SSUH2: variants seen among roughly 807,000 people sequenced by gnomAD.
The protein encoded by SSUH2 is ssu-2 homolog.
In SSUH2, 47 loss-of-function variants were observed where a neutral mutation model predicts 55.3. That is an observed-to-expected ratio of 0.85 (90% confidence interval 0.67 to 1.08). The LOEUF (loss-of-function observed/expected upper bound fraction) is 1.08, where lower values mean the gene tolerates loss of function less well. Among genes scored for constraint, SSUH2 ranks in the 50% least tolerant of loss-of-function variants. The pLI is 0.00. For synonymous variants in SSUH2, 212 were observed against 191.5 expected (o/e 1.11, Z -0.89); for missense variants, 535 against 490.7 (o/e 1.09, Z -0.85).
At chr3:8,654,951 A>C (rs1398071500) in intron 7 of SSUH2, among the ~76,000 whole-genome samples, 3 of 57,984 alleles carry the variant, frequency 5.2e-5, no homozygotes, top group African/African-American at 1.5e-4. Flanking sequence ...GGGTGGCCTC[A>C]TCCCCCAGTC....
At chr3:8,656,512 G>T (rs994691641) in intron 7 of SSUH2, among the ~76,000 whole-genome samples, 2 of 152,316 alleles carry the variant, frequency 1.3e-5, no homozygotes, top group East Asian at 1.9e-4. Context: ...GTGACCCAGG[G>T]ACGGAGCAAC....
intron 6 of SSUH2, 76 bp downstream of exon 6, chr3:8,630,729 T>G (rs1698590382): frequency 2.0e-5 from 26 of 1,298,914 alleles, no homozygotes; most frequent in South Asian, 3.1e-5. Context: ...AGGATGAGTT[T>G]GAGGAAACAT....
Position 8,633,999 on chromosome 3 carries a change from GA to G in SSUH2, c.210-205del. ...CGTGAGAACGGGGCAGGTTTTCCTA[GA>G]GAACAGCCAAAAACACTTTAGTTGA... is the stretch of plus-strand genomic sequence containing the variant. On this transcript the variant is annotated intron_variant, in intron 3 of 11. Coordinates refer to ENST00000544814, the MANE Select transcript of SSUH2 (RefSeq NM_001256748.3). The G allele has an allele frequency of 3.2e-6, 5 of 1,571,250 alleles. No homozygotes were observed. The South Asian group carries it at 3.5e-5, about 11-fold the overall frequency.
Position 8,629,647 on chromosome 3 carries a change from G to T in SSUH2, c.588+17C>A. The T allele has an allele frequency of 6.2e-7, 1 of 1,613,786 alleles. No homozygotes were observed. Among genetic ancestry groups the T allele is most frequent in the Non-Finnish European group, 8.5e-7 (1 of 1,179,762 alleles). The stretch of plus-strand genomic sequence containing the variant: ...CCACACCCTCACTGACTCACCAGTG[G>T]TTCACAGATGACTCACCGTGCCCGC... On this transcript the variant is annotated intron_variant, in intron 7 of 11. Transcript: ENST00000544814.
intron 2 of SSUH2, among the ~76,000 whole-genome samples, chr3:8,679,320 GCCAGCCCC>G (rs1705775809): frequency 2.4e-5 from 1 of 41,698 alleles, no homozygotes; most frequent in Admixed American, 3.8e-4. Context: ...GGGACTAAGA[GCCAGCCCC>G]TCTTCCCGCC....
intron 1 of SSUH2, chr3:8,681,844 C>A (rs530336843): frequency 3.4e-4 from 54 of 160,840 alleles, no homozygotes; most frequent in Non-Finnish European, 4.1e-4. Context: ...CTCTTCCCCC[C>A]CTGGCTTAGG....
rs1376433084 is a variant in SSUH2 at position 8,679,198 on chromosome 3, C to G, written c.-901+507G>C. Among the ~76,000 whole-genome samples, 8 of 93,796 alleles carry G rather than the reference C, an allele frequency of 8.5e-5. 4 individuals carry two copies. Among genetic ancestry groups the G allele is most frequent in the African/African-American group, 2.1e-4 (6 of 28,462 alleles). 61.5% of individuals were successfully genotyped at this position (93,796 alleles called of 152,430 possible). A position where few individuals can be genotyped will look rare whatever the true frequency, so the allele number is the denominator to read the frequency against. ...GTTCCCCCACACTGGCTCTTGGGAC[C>G]CCCATCGCAGGGGGGATGGCACCCT... On this transcript the variant is annotated intron_variant, in intron 2 of 18. Coordinates refer to the SSUH2 transcript ENST00000317371.
intron 1 of SSUH2, among the ~76,000 whole-genome samples, chr3:8,638,558 C>T (rs1575175489): frequency 6.6e-6 from 1 of 152,286 alleles, no homozygotes; most frequent in Middle Eastern, 3.4e-3. Flanking sequence ...ACCTTGGGCC[C>T]AGGCTCTCTG....
rs200551193 is a variant in SSUH2, at chr3:8,635,370, A to C, written c.139T>G (p.Phe47Val). 6.5e-7 allele frequency: 1 copy of C among 1,535,928 alleles called. No homozygotes were observed. The highest frequency in any genetic ancestry group is 2.0e-5 in the Admixed American group (1 of 51,000). ...CCTGGGGCCTCCAAAGGTGGGAAGA[A>C]TATCTGTCCTCCTGGAGAAGGGAAG... is the stretch of plus-strand genomic sequence containing the variant. ...WLLQGGRGQIFFPPLEAPGRP... is the reference protein window; with the variant it reads ...WLLQGGRGQIVFPPLEAPGRP... The change falls in exon 3 of 12, where the codon TTC becomes GTC. Residue 47 changes from phenylalanine to valine, a missense_variant. Coordinates refer to ENST00000544814, the MANE Select transcript of SSUH2 (RefSeq NM_001256748.3).
chr3:8,637,527 A>G (rs1482180908), intron 1 of SSUH2, among the ~76,000 whole-genome samples: 2 of 152,340 alleles, frequency 1.3e-5, no homozygotes, highest in Non-Finnish European at 2.9e-5. Flanking sequence ...CATGAGGCTC[A>G]GAGAGATTAC....
rs1250215823 is a variant in SSUH2 at position 8,619,423 on chromosome 3, T to C, written c.*445A>G. The C allele has an allele frequency of 6.2e-6, 1 of 160,306 alleles. No homozygotes were observed. The highest frequency in any genetic ancestry group is 6.2e-5 in the Admixed American group (1 of 16,144). 9.9% of individuals were successfully genotyped at this position (160,306 alleles called of 1,614,324 possible). ...TATTGCACTTTATGCCTAAGTGCAGTATTTATTGTGCATTAGGGCCAGATA... is the reference window on the plus strand; with the variant it reads ...TATTGCACTTTATGCCTAAGTGCAGCATTTATTGTGCATTAGGGCCAGATA... On this transcript the variant is annotated 3_prime_UTR_variant, in exon 12 of 12. Transcript: ENST00000544814.
intron 5 of SSUH2, among the ~76,000 whole-genome samples, chr3:8,664,373 G>A (rs1703783574): frequency 6.6e-6 from 1 of 152,184 alleles, no homozygotes; most frequent in South Asian, 2.1e-4. Flanking sequence ...CTTTCCCTTG[G>A]CGCTGTGTAT....
At chr3:8,639,742 T>C (rs1263640170) in intron 1 of SSUH2, among the ~76,000 whole-genome samples, 3 of 152,208 alleles carry the variant, frequency 2.0e-5, no homozygotes, top group Non-Finnish European at 4.4e-5. Context: ...ACATTAATCA[T>C]CTTAAAAGCA....
intron 8 of SSUH2, 132 bp from the exon 9 acceptor site, chr3:8,626,453 C>T (rs1697548253): frequency 1.5e-6 from 1 of 650,032 alleles, no homozygotes; most frequent in African/African-American, 1.8e-5. Flanking sequence ...CTGCCCACCA[C>T]CTAGTCCTCC....
At chr3:8,668,809 T>C (rs1311452368) in intron 5 of SSUH2, among the ~76,000 whole-genome samples, 1 of 152,214 alleles carries the variant, frequency 6.6e-6, no homozygotes, top group Admixed American at 6.5e-5. Flanking sequence ...TGTTATTCTT[T>C]GTGATCGAAA....
intron 3 of SSUH2, among the ~76,000 whole-genome samples, chr3:8,673,104 TTAA>T (rs1229603751): frequency 2.0e-5 from 3 of 152,008 alleles, no homozygotes; most frequent in Admixed American, 6.5e-5. Flanking sequence ...GTTCAGATTA[TTAA>T]TATTAATATT....
Position 8,629,583 on chromosome 3 carries a change from C to T in SSUH2, c.588+81G>A, listed in dbSNP as rs1007036278. The T allele has an allele frequency of 9.4e-5, 125 of 1,331,982 alleles. 3 individuals are homozygous for T. The South Asian group carries it at 1.5e-3, about 15-fold the overall frequency. 82.5% of individuals were successfully genotyped at this position (1,331,982 alleles called of 1,614,324 possible). A position where few individuals can be genotyped will look rare whatever the true frequency, so the allele number is the denominator to read the frequency against. On this transcript the variant is annotated intron_variant, in intron 7 of 11. Transcript: ENST00000544814. ...CACAGTTACTGCAGGGAGCCTCAGG[C>T]CACCAGCCCAGCCCGCTGTCCCCAG...
intron 3 of SSUH2, among the ~76,000 whole-genome samples, chr3:8,672,354 T>A (rs1704685157): frequency 6.6e-6 from 1 of 152,094 alleles, no homozygotes; most frequent in Admixed American, 6.5e-5. Context: ...ACAAAAAATA[T>A]CACAGTGTGG....
At position 8,625,614 on chromosome 3, in the gene SSUH2, G is replaced by T. The variant is rs750444211; in HGVS notation, c.801C>A (p.His267Gln). ...GGAGCTCCCTGGGGCAGTTGAGCCG[G>T]TGCTCAGACACAAACTCAAACAAGC... Reference protein sequence around the residue: ...KNSLFEFVSEHRLNCPRELLA... With the variant: ...KNSLFEFVSEQRLNCPRELLA... The change falls in exon 10 of 12, where the codon CAC becomes CAA. Residue 267 changes from histidine to glutamine, a missense_variant. Transcript: ENST00000544814. The T allele has an allele frequency of 2.5e-6, 4 of 1,613,970 alleles. No individual in the cohort carries two copies. The highest frequency in any genetic ancestry group is 3.4e-6 in the Non-Finnish European group (4 of 1,179,884).
Sources: allele counts gnomAD v4.1 joint callset (sites outside exome capture counted in the v4.1 genomes callset), GRCh38; gene constraint gnomAD v4.1.1; transcripts MANE v1.5; gene names NCBI Gene and HGNC (gene_info 2026-07-23, HGNC 2026-07-21).